Variants in B3GALT1 observed in about 807,000 individuals in gnomAD.
B3GALT1 encodes the protein UDP-Gal:betaGlcNAc beta 1,3-galactosyltransferase, polypeptide 1.
Under a neutral mutation model 23.2 loss-of-function variants are expected in B3GALT1, and 10 were observed. The observed-to-expected ratio is 0.43, with a 90% CI of 0.27 to 0.73. B3GALT1 has a LOEUF of 0.73. Ranked by LOEUF, B3GALT1 falls within the 30% of genes least tolerant of loss-of-function variation. The pLI is 0.21. For synonymous variants in B3GALT1, 156 were observed against 141.5 expected, an observed-to-expected ratio of 1.10 and a Z score of -0.73; for missense variants, 299 against 405.4, an observed-to-expected ratio of 0.74 and a Z score of 2.25.
At chr2:167,549,610 C>T (rs1246135593) in intron 2 of B3GALT1, among the ~76,000 whole-genome samples, 2 of 152,172 alleles carry the variant, frequency 1.3e-5, no homozygotes, top group Non-Finnish European at 2.9e-5. Context: ...AAGTGTGCCT[C>T]CCCTTCCTTG....
intron 1 of B3GALT1, among the ~76,000 whole-genome samples, chr2:167,453,823 T>G (rs1228298363): frequency 6.6e-6 from 1 of 152,234 alleles, no homozygotes; most frequent in Non-Finnish European, 1.5e-5. Context: ...CAGGATTTCT[T>G]TGTGAAGTTC....
At chr2:167,521,723 G>C (rs1414727395) in intron 2 of B3GALT1, among the ~76,000 whole-genome samples, 1 of 151,816 alleles carries the variant, frequency 6.6e-6, no homozygotes, top group Non-Finnish European at 1.5e-5. Context: ...GTTCTTTACA[G>C]TCTCACTGCC....
chr2:167,605,252 A>G (rs551879110), intron 2 of B3GALT1, among the ~76,000 whole-genome samples: 2 of 152,288 alleles, frequency 1.3e-5, no homozygotes, highest in African/African-American at 4.8e-5. Flanking sequence ...TCTTTTGGAT[A>G]ATTTTGCTGT....
At chr2:167,389,464 G>A (rs1184463841) in intron 1 of B3GALT1, among the ~76,000 whole-genome samples, 2 of 152,194 alleles carry the variant, frequency 1.3e-5, no homozygotes, top group Admixed American at 6.5e-5. Flanking sequence ...TAAAAAGAGT[G>A]TCTGCTGGAG....
chr2:167,837,829 C>A (rs1042311456), intron 4 of B3GALT1, among the ~76,000 whole-genome samples: 1 of 151,974 alleles, frequency 6.6e-6, no homozygotes, highest in South Asian at 2.1e-4. Context: ...CAAACTCTCT[C>A]TCAGACCACA....
intron 2 of B3GALT1, among the ~76,000 whole-genome samples, chr2:167,616,660 A>G (rs2105436162): frequency 6.6e-6 from 1 of 152,220 alleles, no homozygotes; most frequent in East Asian, 1.9e-4. Flanking sequence ...ACGCCATTAC[A>G]CTACAGTCTG....
chr2:167,566,054 A>G (rs544970805), intron 2 of B3GALT1, among the ~76,000 whole-genome samples: 163 of 152,178 alleles, frequency 1.1e-3, no homozygotes, highest in African/African-American at 3.8e-3. Flanking sequence ...ATGCATACAT[A>G]TGTTTATTGC....
chr2:167,532,086 G>A (rs1683335137), intron 2 of B3GALT1, among the ~76,000 whole-genome samples: 1 of 152,016 alleles, frequency 6.6e-6, no homozygotes, highest in South Asian at 2.1e-4. Context: ...GTTTTAATTT[G>A]TATGTCTTTG....
chr2:167,606,782 A>C (rs1684969023), intron 2 of B3GALT1, among the ~76,000 whole-genome samples: 1 of 152,240 alleles, frequency 6.6e-6, no homozygotes, highest in Non-Finnish European at 1.5e-5. Context: ...AATGTGTTCA[A>C]AGAACAGTTA....
chr2:167,588,180 T>A (rs559523198), intron 2 of B3GALT1, among the ~76,000 whole-genome samples: 8 of 152,328 alleles, frequency 5.3e-5, no homozygotes, highest in Admixed American at 2.6e-4. Context: ...ATGCCTTTTA[T>A]TTCCAACTAG....
chr2:167,413,994 G>A (rs554501205), intron 1 of B3GALT1, among the ~76,000 whole-genome samples: 6 of 152,074 alleles, frequency 3.9e-5, no homozygotes, highest in African/African-American at 1.4e-4. Flanking sequence ...TATTGTAAAG[G>A]AAAGCAGATA....
At chr2:167,378,243 T>C (rs1697794395) in intron 1 of B3GALT1, among the ~76,000 whole-genome samples, 1 of 152,170 alleles carries the variant, frequency 6.6e-6, no homozygotes, top group Non-Finnish European at 1.5e-5. Context: ...TTTCTCTAGT[T>C]GCCTTTAATA....
intron 1 of B3GALT1, among the ~76,000 whole-genome samples, chr2:167,327,886 G>A (rs981733137): frequency 6.6e-6 from 1 of 152,104 alleles, no homozygotes; most frequent in African/African-American, 2.4e-5. Flanking sequence ...ATTATTTTGA[G>A]TTATGTTTCT....
At chr2:167,344,457 T>G (rs1156948192) in intron 1 of B3GALT1, among the ~76,000 whole-genome samples, 1 of 150,578 alleles carries the variant, frequency 6.6e-6, no homozygotes, top group Non-Finnish European at 1.5e-5. Flanking sequence ...ACTCTGGAAT[T>G]AAATTAAACT....
rs1310605160 is a variant in B3GALT1, at chr2:167,837,344, A to C, written c.-230+18551A>C. 2.1e-4 allele frequency among the ~76,000 whole-genome samples: 32 copies of C among 151,152 alleles called. 1 individual carries two copies. The highest frequency in any genetic ancestry group is 1.0e-3 in the Admixed American group (15 of 15,026). On this transcript the variant is annotated intron_variant, in intron 4 of 4. Coordinates refer to ENST00000392690, the MANE Select transcript of B3GALT1 (RefSeq NM_020981.4). The stretch of plus-strand genomic sequence containing the variant: ...AAGGATGGAGGAAGATCTACCAAGC[A>C]AATGGAAAACAAAAAAAGGCAGGGG...
intron 1 of B3GALT1, among the ~76,000 whole-genome samples, chr2:167,384,794 G>A (rs1697901905): frequency 6.6e-6 from 1 of 152,014 alleles, no homozygotes; most frequent in Non-Finnish European, 1.5e-5. Flanking sequence ...CTGCTTGGAT[G>A]ATGTTTTGAT....
chr2:167,663,549 A>G (rs1233980331), intron 3 of B3GALT1, among the ~76,000 whole-genome samples: 2 of 151,784 alleles, frequency 1.3e-5, no homozygotes, highest in African/African-American at 4.8e-5. Flanking sequence ...GACTTCCACA[A>G]TGGTTGAACT....
At chr2:167,827,650 T>C (rs1384634024) in intron 4 of B3GALT1, among the ~76,000 whole-genome samples, 2 of 152,192 alleles carry the variant, frequency 1.3e-5, no homozygotes, top group African/African-American at 4.8e-5. Flanking sequence ...CACTTTCTGA[T>C]GGCGTGTTTG....
chr2:167,597,793 A>G (rs990208373), intron 2 of B3GALT1, among the ~76,000 whole-genome samples: 8 of 152,224 alleles, frequency 5.3e-5, no homozygotes, highest in African/African-American at 1.9e-4. Context: ...TGGGGAAAAC[A>G]TGTAAAAATG....
Sources: gnomAD v4.1 joint callset for allele counts (sites outside exome capture counted in the v4.1 genomes callset) on GRCh38, gnomAD v4.1.1 for gene constraint, MANE v1.5 for transcripts, NCBI Gene and HGNC (gene_info 2026-07-23, HGNC 2026-07-21) for gene names.